ZSWIM6: variants seen among roughly 807,000 people sequenced by gnomAD.
ZSWIM6 encodes zinc finger SWIM domain-containing protein 6.
ZSWIM6 carries 9 observed loss-of-function variants against 113.2 expected under a neutral mutation model. The observed-to-expected ratio is 0.08, with a 90% CI of 0.05 to 0.14. The LOEUF is 0.14. Among genes scored for constraint, ZSWIM6 ranks in the 10% least tolerant of loss-of-function variants. The pLI, the probability that ZSWIM6 is intolerant of heterozygous loss-of-function variation, is 1.00. For missense variants in ZSWIM6, 1,162 were observed against 1,552.2 expected, an observed-to-expected ratio of 0.75 and a Z score of 4.22; for synonymous variants, 611 against 606.5, an observed-to-expected ratio of 1.01 and a Z score of -0.11.
chr5:61,365,962 T>C (rs1016199874), intron 1 of ZSWIM6, among the ~76,000 whole-genome samples: 1 of 152,132 alleles, frequency 6.6e-6, no homozygotes, highest in African/African-American at 2.4e-5. Flanking sequence ...TCACCCAGGC[T>C]GGCAGTGATT....
At position 61,517,411 on chromosome 5, in the gene ZSWIM6, C is replaced by T. The variant is rs144443092; in HGVS notation, c.1334-3852C>T. Among the ~76,000 whole-genome samples, 353 of 152,240 alleles carry T rather than the reference C, an allele frequency of 2.3e-3. 1 individual carries two copies. Among genetic ancestry groups the T allele is most frequent in the African/African-American group, 7.8e-3 (324 of 41,562 alleles). ...GTCATCTCCGTTCTGCTATTGATCCCATCCAGTTAATTTTTAATTTCAGAT... is the reference window on the plus strand; with the variant it reads ...GTCATCTCCGTTCTGCTATTGATCCTATCCAGTTAATTTTTAATTTCAGAT... On this transcript the variant is annotated intron_variant, in intron 4 of 13. Coordinates refer to ENST00000252744, the MANE Select transcript of ZSWIM6 (RefSeq NM_020928.2).
chr5:61,334,220 T>G (rs972125099), intron 1 of ZSWIM6, among the ~76,000 whole-genome samples: 1 of 152,142 alleles, frequency 6.6e-6, no homozygotes, highest in Non-Finnish European at 1.5e-5. Flanking sequence ...CTGTTCCCCC[T>G]CCCCTAAAAT....
At chr5:61,511,646 A>G (rs1561271596) in intron 4 of ZSWIM6, among the ~76,000 whole-genome samples, 1 of 152,158 alleles carries the variant, frequency 6.6e-6, no homozygotes, top group Non-Finnish European at 1.5e-5. Context: ...AGAAGGTGCC[A>G]TCTATGAGGG....
chr5:61,391,755 C>T, intron 1 of ZSWIM6: 1 of 1,081,284 alleles, frequency 9.2e-7, no homozygotes, highest in Non-Finnish European at 1.4e-6. Context: ...GGTGGACCAG[C>T]TTGGAAGGGT....
chr5:61,491,501 A>G (rs530131098), intron 3 of ZSWIM6, among the ~76,000 whole-genome samples: 107 of 152,142 alleles, frequency 7.0e-4, no homozygotes, highest in African/African-American at 2.5e-3. Context: ...TGTTGTGATA[A>G]TGGTGTTAAA....
intron 10 of ZSWIM6, 70 bp from the exon 11 acceptor site, chr5:61,538,744 G>A (rs565374686): frequency 2.7e-6 from 4 of 1,487,470 alleles, no homozygotes; most frequent in African/African-American, 2.8e-5. Context: ...GCTTCTGTTG[G>A]CCAGTCTTTC....
intron 1 of ZSWIM6, among the ~76,000 whole-genome samples, chr5:61,357,895 A>G (rs1744952353): frequency 6.6e-6 from 1 of 152,164 alleles, no homozygotes; most frequent in South Asian, 2.1e-4. Flanking sequence ...TGTTTACTCC[A>G]GGACCTGTTT....
chr5:61,447,981 A>G (rs1459850770), intron 1 of ZSWIM6, among the ~76,000 whole-genome samples: 3 of 152,172 alleles, frequency 2.0e-5, no homozygotes. Context: ...CAGTTAGGCA[A>G]TTGTGATGGG....
chr5:61,333,404 TC>T (rs996091671), intron 1 of ZSWIM6, among the ~76,000 whole-genome samples: 36 of 150,038 alleles, frequency 2.4e-4, no homozygotes, highest in Non-Finnish European at 4.6e-4. Flanking sequence ...CGCTCGGCGC[TC>T]CCCCCCTCTC....
intron 2 of ZSWIM6, among the ~76,000 whole-genome samples, chr5:61,484,529 T>C (rs1030778905): frequency 6.6e-6 from 1 of 152,214 alleles, no homozygotes; most frequent in South Asian, 2.1e-4. Context: ...TATAGTTGTT[T>C]GGAAAGTCTC....
At chr5:61,519,887 C>G (rs1749066819) in intron 4 of ZSWIM6, among the ~76,000 whole-genome samples, 1 of 152,090 alleles carries the variant, frequency 6.6e-6, no homozygotes, top group Admixed American at 6.6e-5. Flanking sequence ...AGTTAGATTC[C>G]CATAAGCAGC....
intron 1 of ZSWIM6, among the ~76,000 whole-genome samples, chr5:61,357,237 A>G (rs757296260): frequency 3.3e-5 from 5 of 152,194 alleles, no homozygotes; most frequent in Non-Finnish European, 7.3e-5. Flanking sequence ...ACAGGAATTC[A>G]GTGCAGGGTA....
intron 1 of ZSWIM6, among the ~76,000 whole-genome samples, chr5:61,341,587 C>T (rs1579940623): frequency 1.3e-5 from 2 of 152,210 alleles, no homozygotes; most frequent in Admixed American, 1.3e-4. Flanking sequence ...CTTGCTGTTA[C>T]ATGAATGTAT....
chr5:61,411,451 GA>G (rs1746146636), intron 1 of ZSWIM6, among the ~76,000 whole-genome samples: 1 of 152,156 alleles, frequency 6.6e-6, no homozygotes, highest in Admixed American at 6.5e-5. Context: ...TTTGCTTCCT[GA>G]ATACTCTAAA....
chr5:61,498,632 A>G (rs1250578260), intron 4 of ZSWIM6, among the ~76,000 whole-genome samples: 1 of 152,170 alleles, frequency 6.6e-6, no homozygotes, highest in Non-Finnish European at 1.5e-5. Context: ...GCAGTAGAGA[A>G]CACAGCCTAC....
At chr5:61,413,491 C>G (rs1268528940) in intron 1 of ZSWIM6, among the ~76,000 whole-genome samples, 1 of 151,908 alleles carries the variant, frequency 6.6e-6, no homozygotes, top group South Asian at 2.1e-4. Context: ...ATATGTGTGC[C>G]TGTGTCTTTA....
intron 1 of ZSWIM6, among the ~76,000 whole-genome samples, chr5:61,356,968 A>T (rs533775600): frequency 6.3e-4 from 95 of 151,540 alleles, no homozygotes; most frequent in Non-Finnish European, 1.1e-3. Flanking sequence ...CCAACGTAAG[A>T]TGGTCAATTC....
chr5:61,401,859 T>A (rs1032211908), intron 1 of ZSWIM6, among the ~76,000 whole-genome samples: 2 of 152,192 alleles, frequency 1.3e-5, no homozygotes, highest in Admixed American at 1.3e-4. Flanking sequence ...AAATGTCCCA[T>A]TAAGCCAAGC....
At chr5:61,489,565 A>AT (rs1748125308) in intron 2 of ZSWIM6, among the ~76,000 whole-genome samples, 1 of 152,084 alleles carries the variant, frequency 6.6e-6, no homozygotes, top group African/African-American at 2.4e-5. Context: ...ATTTTTGCAG[A>AT]TTAATCATAT....
Sources: gnomAD v4.1 joint callset for allele counts (sites outside exome capture counted in the v4.1 genomes callset) on GRCh38, gnomAD v4.1.1 for gene constraint, MANE v1.5 for transcripts, NCBI Gene and HGNC (gene_info 2026-07-23, HGNC 2026-07-21) for gene names.